The following ICA1 variants were observed in gnomAD, a reference collection of about 807,000 sequenced individuals.
ICA1 encodes islet cell autoantigen 1.
A neutral mutation model predicts 71.0 loss-of-function variants in ICA1; 40 were observed. That is an observed-to-expected ratio of 0.56 (90% CI 0.44 to 0.73). The LOEUF (loss-of-function observed/expected upper bound fraction) is 0.73, where lower values mean the gene tolerates loss of function less well. ICA1 is among the 30% of genes least tolerant of loss of function. The pLI is 0.00. For missense variants in ICA1, 578 were observed against 576.5 expected (o/e 1.00, Z -0.03); for synonymous variants, 207 against 209.5 (o/e 0.99, Z 0.10).
intron 5 of ICA1, among the ~76,000 whole-genome samples, chr7:8,220,998 G>A (rs554378390): frequency 1.3e-3 from 199 of 152,028 alleles, no homozygotes; most frequent in African/African-American, 4.6e-3. Context: ...ATAAGCCTAG[G>A]ACAGCACTCA....
At chr7:8,152,571 ACCACC>A (rs1799267788) in intron 8 of ICA1, among the ~76,000 whole-genome samples, 2 of 143,398 alleles carry the variant, frequency 1.4e-5, no homozygotes, top group South Asian at 2.3e-4. Context: ...CACCACCACC[ACCACC>A]ATCTCCTTCA....
At chr7:8,167,705 G>A (rs942615811) in intron 6 of ICA1, among the ~76,000 whole-genome samples, 1 of 152,086 alleles carries the variant, frequency 6.6e-6, no homozygotes, top group African/African-American at 2.4e-5. Context: ...TTTAAATGGG[G>A]GGTGGCAAGC....
chr7:8,167,575 G>C (rs1235536996), intron 6 of ICA1, among the ~76,000 whole-genome samples: 3 of 151,852 alleles, frequency 2.0e-5, no homozygotes, highest in Admixed American at 6.6e-5. Context: ...CAAACCCCCC[G>C]GCATGTAATT....
chr7:8,151,753 T>C (rs1432256783), intron 8 of ICA1, among the ~76,000 whole-genome samples: 3 of 152,182 alleles, frequency 2.0e-5, no homozygotes, highest in African/African-American at 2.4e-5. Flanking sequence ...GCGAGGCATA[T>C]GAATTTGAGA....
At chr7:8,231,179 G>C (rs1345582050) in intron 3 of ICA1, among the ~76,000 whole-genome samples, 1 of 152,170 alleles carries the variant, frequency 6.6e-6, no homozygotes, top group East Asian at 1.9e-4. Context: ...TGGGGAAACA[G>C]TGTCCAGGTG....
In ICA1 at chr7:8,158,666, G is replaced by C. The variant is rs751066360; in HGVS notation, c.580-14C>G. On this transcript the variant is annotated splice_polypyrimidine_tract_variant and intron_variant, in intron 6 of 13. Transcript: ENST00000402384. ...TTGTGTTTGTACCTATGAAAATAAA[G>C]AGGAATTTCTGAATCACCCTAACCC... 2 of 1,613,512 alleles carry C rather than the reference G, an allele frequency of 1.2e-6. No individual in the cohort carries two copies. The highest frequency in any genetic ancestry group is 1.7e-5 in the Admixed American group (1 of 59,950).
intron 6 of ICA1, among the ~76,000 whole-genome samples, chr7:8,170,206 T>G (rs1188521005): frequency 6.6e-6 from 1 of 152,044 alleles, no homozygotes; most frequent in African/African-American, 2.4e-5. Flanking sequence ...GATCTATATG[T>G]CTGTCCTTAT....
intron 12 of ICA1, among the ~76,000 whole-genome samples, chr7:8,133,907 C>G (rs1372452825): frequency 6.9e-6 from 1 of 144,232 alleles, no homozygotes; most frequent in Non-Finnish European, 1.5e-5. Context: ...CTCTAACTCA[C>G]TTTACAGATA....
chr7:8,173,327 A>G lies in ICA1; in HGVS notation c.580-14675T>C, dbSNP rs1343435764. 6.6e-6 allele frequency among the ~76,000 whole-genome samples: 1 copy of G among 152,224 alleles called. No individual in the cohort carries two copies. Among genetic ancestry groups the G allele is most frequent in the Non-Finnish European group, 1.5e-5 (1 of 68,026 alleles). On this transcript the variant is annotated intron_variant, in intron 6 of 13. Transcript: ENST00000402384. This position sits in a 1 kb window ranked among gnomAD's most constrained non-coding sequence, Gnocchi z 4.0. ...CAACCTAAGAGACTCCCACTAGCCA[A>G]AAATGAGACATTGTGAGCATCAATG...
At chr7:8,188,194 A>C (rs1171154257) in intron 6 of ICA1, among the ~76,000 whole-genome samples, 4 of 152,220 alleles carry the variant, frequency 2.6e-5, no homozygotes, top group Non-Finnish European at 5.9e-5. Flanking sequence ...ATAATTATCA[A>C]ACTGCTTTCA....
intron 5 of ICA1, among the ~76,000 whole-genome samples, chr7:8,220,854 G>C (rs1796824277): frequency 6.6e-6 from 1 of 152,078 alleles, no homozygotes; most frequent in Non-Finnish European, 1.5e-5. Context: ...CATGAGAACA[G>C]CACCTCTCTG....
chr7:8,205,693 C>G (rs1312572337), intron 6 of ICA1, among the ~76,000 whole-genome samples: 1 of 152,152 alleles, frequency 6.6e-6, no homozygotes, highest in East Asian at 1.9e-4. Flanking sequence ...AACATAAATC[C>G]TCTTGGGTTT....
intron 13 of ICA1, among the ~76,000 whole-genome samples, chr7:8,118,831 A>T (rs546318400): frequency 6.6e-6 from 1 of 152,242 alleles, no homozygotes; most frequent in African/African-American, 2.4e-5. Context: ...GTCTCTCAGA[A>T]CCATGGTTCT....
chr7:8,219,659 G>C (rs998316341), intron 5 of ICA1, among the ~76,000 whole-genome samples: 3 of 152,232 alleles, frequency 2.0e-5, no homozygotes, highest in African/African-American at 7.2e-5. Context: ...CATAAAGTAA[G>C]CTTGTTATCC....
At chr7:8,164,511 T>C (rs190199022) in intron 6 of ICA1, among the ~76,000 whole-genome samples, 78 of 152,120 alleles carry the variant, frequency 5.1e-4, no homozygotes, top group Middle Eastern at 6.8e-3. Context: ...GACTTAATGT[T>C]ATTGTCTAGC....
rs764550659 is a variant in ICA1 at position 8,218,443 on chromosome 7, C to T, written c.441G>A (p.Arg147=). The change falls in exon 6 of 14, where the codon CGG becomes CGA. Residue 147 remains arginine, a synonymous_variant. Coordinates refer to ENST00000402384, the MANE Select transcript of ICA1 (RefSeq NM_001136020.3). ...FHQEVETFRH[R]AISDTWLTVN... is the part of the protein sequence containing the mutation. ...CCGTCAGCCAAGTATCTGAGATGGC[C>T]CGATGCCGAAAAGTCTCCACTTCTT... The T allele has an allele frequency of 1.2e-6, 2 of 1,614,048 alleles. No homozygotes were observed. Among genetic ancestry groups the T allele is most frequent in the East Asian group, 4.5e-5 (2 of 44,872 alleles).
rs1284060592 is a variant in ICA1 at position 8,221,301 on chromosome 7, CT to C, written c.353del (p.Lys118ArgfsTer37). 6.2e-7 allele frequency: 1 copy of C among 1,613,716 alleles called. No homozygotes were observed. The highest frequency in any genetic ancestry group is 1.7e-5 in the Admixed American group (1 of 59,986). ...TTTGCTGGGAAGAAAAGCAGAGGGC[CT>C]TTCCTGTCGCTTGCATCATCTTTCC... ...RAGKMMQATG[K>X]ALCFSSQQRL... On this transcript the variant is annotated frameshift_variant, in exon 5 of 14. Transcript: ENST00000402384. LOFTEE classifies it high-confidence loss of function.
At chr7:8,246,374 A>G (rs1281043186) in intron 1 of ICA1, among the ~76,000 whole-genome samples, 1 of 152,238 alleles carries the variant, frequency 6.6e-6, no homozygotes, top group Non-Finnish European at 1.5e-5. Flanking sequence ...TAATTTTGAT[A>G]TAACAACCTG....
At chr7:8,152,660 CACCACCACCATT>C (rs1367212320) in intron 8 of ICA1, among the ~76,000 whole-genome samples, 2 of 150,848 alleles carry the variant, frequency 1.3e-5, no homozygotes, top group Non-Finnish European at 3.0e-5. Context: ...CCACCACCAC[CACCACCACCATT>C]ATCTCCTTCA....
Sources: gnomAD v4.1 joint callset for allele counts (sites outside exome capture counted in the v4.1 genomes callset) on GRCh38, gnomAD v4.1.1 for gene constraint, Gnocchi (gnomAD v3.1) non-coding constraint, MANE v1.5 for transcripts, NCBI Gene and HGNC (gene_info 2026-07-23, HGNC 2026-07-21) for gene names.